Variants in ADAM19 observed in about 807,000 individuals in gnomAD.
ADAM19 encodes the protein disintegrin and metalloproteinase domain-containing protein 19.
ADAM19 carries 65 observed loss-of-function variants against 114.7 expected under a neutral mutation model. The observed-to-expected ratio is 0.57, with a 90% CI of 0.46 to 0.70. The LOEUF is 0.70. Among genes scored for constraint, ADAM19 ranks in the 30% least tolerant of loss-of-function variants. The pLI is 0.00. For missense variants in ADAM19, 1,063 were observed against 1,204.7 expected (o/e 0.88, Z 1.74); for synonymous variants, 466 against 460.5 (o/e 1.01, Z -0.15).
At chr5:157,538,485 T>C (rs887013876) in intron 3 of ADAM19, among the ~76,000 whole-genome samples, 6 of 152,244 alleles carry the variant, frequency 3.9e-5, no homozygotes, top group Admixed American at 3.3e-4. Context: ...AGGGGTGACC[T>C]GTATTTCAAG....
intron 16 of ADAM19, 30 bp from the exon 17 acceptor site, chr5:157,491,942 G>A (rs762832265): frequency 6.2e-6 from 10 of 1,608,840 alleles, no homozygotes; most frequent in Admixed American, 3.3e-5. Flanking sequence ...AACGATCAGT[G>A]CAATGGGAGG....
chr5:157,570,016 T>C (rs867781133), intron 2 of ADAM19, among the ~76,000 whole-genome samples: 1 of 152,144 alleles, frequency 6.6e-6, no homozygotes, highest in Non-Finnish European at 1.5e-5. Context: ...TCCCAACACT[T>C]TGAGAGGACT....
In ADAM19 at chr5:157,480,744, G is replaced by T; in HGVS notation, c.*205C>A. 1 of 1,422,398 alleles carries T rather than the reference G, an allele frequency of 7.0e-7. No homozygotes were observed. 88.1% of individuals were successfully genotyped at this position (1,422,398 alleles called of 1,614,324 possible). A position where few individuals can be genotyped will look rare whatever the true frequency, so the allele number is the denominator to read the frequency against. On this transcript the variant is annotated 3_prime_UTR_variant, in exon 23 of 23. Transcript: ENST00000257527. Reference sequence around the variant, plus strand: ...ATATTGCACAAAACAACACCTAGAGGCCATCAGATCATAGTCCCTCTGGGC... The same window carrying T: ...ATATTGCACAAAACAACACCTAGAGTCCATCAGATCATAGTCCCTCTGGGC...
chr5:157,511,822 G>T (rs138547714), intron 8 of ADAM19, among the ~76,000 whole-genome samples: 8 of 152,194 alleles, frequency 5.3e-5, no homozygotes, highest in Non-Finnish European at 1.0e-4. Context: ...AACACCAGCC[G>T]CGAGGAGAGA....
At chr5:157,509,659 A>G (rs1290941465) in intron 8 of ADAM19, among the ~76,000 whole-genome samples, 192 bp from the exon 9 acceptor site, 5 of 152,244 alleles carry the variant, frequency 3.3e-5, no homozygotes, top group African/African-American at 1.2e-4. Flanking sequence ...TCTTCTGCCC[A>G]TGGCTCCAAC....
intron 10 of ADAM19, 32 bp downstream of exon 10, chr5:157,507,024 T>C (rs1442402089): frequency 1.9e-6 from 3 of 1,588,020 alleles, no homozygotes; most frequent in African/African-American, 2.7e-5. Flanking sequence ...CTCAGCGCCT[T>C]CTGCAGCGCA....
Position 157,507,149 on chromosome 5 carries a change from G to A in ADAM19, c.906-9C>T. The A allele has an allele frequency of 8.7e-6, 14 of 1,613,634 alleles. No individual in the cohort carries two copies. Among genetic ancestry groups the A allele is most frequent in the Non-Finnish European group, 1.1e-5 (13 of 1,179,686 alleles). On this transcript the variant is annotated splice_polypyrimidine_tract_variant and intron_variant, in intron 9 of 22. Transcript: ENST00000257527. ...CGTGGAAGGACATGCCCCTGCAGGA[G>A]GCAAGGAGAGACGGTGACCGGGGAC...
intron 3 of ADAM19, among the ~76,000 whole-genome samples, chr5:157,549,894 A>G (rs549628996): frequency 6.6e-6 from 1 of 152,362 alleles, no homozygotes; most frequent in African/African-American, 2.4e-5. Context: ...AATGTGGTAT[A>G]TCTATATAAT....
At chr5:157,534,982 T>C (rs964773222) in intron 4 of ADAM19, among the ~76,000 whole-genome samples, 1 of 152,216 alleles carries the variant, frequency 6.6e-6, no homozygotes, top group Non-Finnish European at 1.5e-5. Flanking sequence ...TGCCACTTAC[T>C]GGTTAACTGA....
At chr5:157,556,385 A>T (rs1467365417) in intron 3 of ADAM19, among the ~76,000 whole-genome samples, 2 of 151,398 alleles carry the variant, frequency 1.3e-5, no homozygotes, top group African/African-American at 4.9e-5. Context: ...TGCCCAGCTA[A>T]TTTTTGTATT....
intron 5 of ADAM19, among the ~76,000 whole-genome samples, chr5:157,523,737 T>C (rs1756374498): frequency 6.6e-6 from 1 of 152,152 alleles, no homozygotes; most frequent in African/African-American, 2.4e-5. Flanking sequence ...TATTCCTTTA[T>C]AGCAACACAA....
chr5:157,481,693 A>G (rs368149587), intron 22 of ADAM19, 98 bp downstream of exon 22: 53 of 1,551,670 alleles, frequency 3.4e-5, no homozygotes, highest in Non-Finnish European at 4.3e-5. Context: ...AGTCCAGACC[A>G]CAAGAAGCAT....
At chr5:157,548,710 G>C (rs115409510) in intron 3 of ADAM19, among the ~76,000 whole-genome samples, 1 of 152,190 alleles carries the variant, frequency 6.6e-6, no homozygotes, top group Non-Finnish European at 1.5e-5. Context: ...TGGGTGAAAT[G>C]TAAATGTAGT....
At chr5:157,481,735 C>G in intron 22 of ADAM19, 56 bp downstream of exon 22, 1 of 1,552,386 alleles carries the variant, frequency 6.4e-7, no homozygotes, top group Non-Finnish European at 8.7e-7. Context: ...TCTACACCTG[C>G]CCCCCTGGAG....
chr5:157,507,005 G>C (rs1473497246), intron 10 of ADAM19, 51 bp downstream of exon 10: 2 of 1,496,332 alleles, frequency 1.3e-6, no homozygotes, highest in Admixed American at 3.5e-5. Context: ...CTCTGGTCTT[G>C]AAAGGCAGCT....
Position 157,570,929 on chromosome 5 carries a change from TG to T in ADAM19, c.145del (p.Gln49SerfsTer9). 2 of 1,614,204 alleles carry T rather than the reference TG, an allele frequency of 1.2e-6. No homozygotes were observed. Among genetic ancestry groups the T allele is most frequent in the Non-Finnish European group, 1.7e-6 (2 of 1,180,026 alleles). On this transcript the variant is annotated frameshift_variant, in exon 2 of 23. Coordinates refer to ENST00000257527, the MANE Select transcript of ADAM19 (RefSeq NM_033274.5). LOFTEE classifies it high-confidence loss of function. ...CACGGGGCTTTCTGAAGTCTTCCAC[TG>T]AGGTATGATAAGTTCATGCTGCAGC... ...PKLQHELIIPQWKTSESPVRE... is the reference protein window; with the variant it reads ...PKLQHELIIPXWKTSESPVRE...
chr5:157,526,064 C>G (rs578162781), intron 5 of ADAM19, among the ~76,000 whole-genome samples: 1 of 151,774 alleles, frequency 6.6e-6, no homozygotes, highest in South Asian at 2.1e-4. Flanking sequence ...TGAGATAGAT[C>G]TATGTATACC....
intron 2 of ADAM19, 32 bp downstream of exon 2, chr5:157,570,863 T>C (rs1757799979): frequency 6.3e-7 from 1 of 1,590,204 alleles, no homozygotes; most frequent in Non-Finnish European, 8.6e-7. Context: ...TGTCAACTCC[T>C]GCCAGTGTAA....
chr5:157,548,904 G>A (rs376825489), intron 3 of ADAM19, among the ~76,000 whole-genome samples: 80 of 152,246 alleles, frequency 5.3e-4, no homozygotes, highest in South Asian at 5.0e-3. Context: ...AGAGAAGGCC[G>A]AAAGAGCCTC....
Sources: allele counts gnomAD v4.1 joint callset (sites outside exome capture counted in the v4.1 genomes callset), GRCh38; gene constraint gnomAD v4.1.1; transcripts MANE v1.5; gene names NCBI Gene and HGNC (gene_info 2026-07-23, HGNC 2026-07-21).